The following KCNB2 variants were observed in gnomAD, a reference collection of about 807,000 sequenced individuals.
The protein encoded by KCNB2 is potassium voltage-gated channel subfamily B member 2.
Under a neutral mutation model 61.5 loss-of-function variants are expected in KCNB2, and 15 were observed. That is an observed-to-expected ratio of 0.24 (90% confidence interval 0.16 to 0.38). The LOEUF (loss-of-function observed/expected upper bound fraction) is 0.38. KCNB2 is among the 10% of genes least tolerant of loss of function. The pLI, the probability that KCNB2 is intolerant of heterozygous loss-of-function variation, is 1.00. For synonymous variants in KCNB2, 457 were observed against 446.0 expected (o/e 1.02, Z -0.31); for missense variants, 828 against 1,125.2 (o/e 0.74, Z 3.78).
At chr8:72,850,785 CTAAT>C (rs1331942775) in intron 2 of KCNB2, among the ~76,000 whole-genome samples, 1 of 152,156 alleles carries the variant, frequency 6.6e-6, no homozygotes, top group Non-Finnish European at 1.5e-5. Flanking sequence ...ATTGGATAGG[CTAAT>C]TATTCTAACC....
At chr8:72,751,904 AG>A (rs1808196344) in intron 2 of KCNB2, 1 of 152,370 alleles carries the variant, frequency 6.6e-6, no homozygotes, top group Admixed American at 6.5e-5. Flanking sequence ...GGAGGCCAGG[AG>A]GGAAGAAGGA....
chr8:72,611,641 G>A (rs1805542298), intron 2 of KCNB2, among the ~76,000 whole-genome samples: 1 of 152,160 alleles, frequency 6.6e-6, no homozygotes, highest in Non-Finnish European at 1.5e-5. Flanking sequence ...GCTGTTTACT[G>A]CATGGCACAC....
chr8:72,675,304 C>A (rs984861748), intron 2 of KCNB2, among the ~76,000 whole-genome samples: 5 of 152,028 alleles, frequency 3.3e-5, no homozygotes, highest in Admixed American at 3.3e-4. Context: ...TGTTTCAAAG[C>A]AATATTGAAG....
Position 72,554,337 on chromosome 8 carries a change from A to G in KCNB2, c.-93-13305A>G, listed in dbSNP as rs545692310. Among the ~76,000 whole-genome samples, 13 of 152,222 alleles carry G rather than the reference A, an allele frequency of 8.5e-5. No homozygotes were observed. The South Asian group carries it at 2.3e-3, about 27-fold the overall frequency. On this transcript the variant is annotated intron_variant, in intron 1 of 2. Coordinates refer to ENST00000523207, the MANE Select transcript of KCNB2 (RefSeq NM_004770.3). Reference sequence around the variant, plus strand: ...AGAGGAATAATGGATCTAAATCCGTATTTCTTATTTATATTTTATGGTCTT... The same window carrying G: ...AGAGGAATAATGGATCTAAATCCGTGTTTCTTATTTATATTTTATGGTCTT...
chr8:72,919,371 AT>A (rs1400052833), intron 2 of KCNB2, among the ~76,000 whole-genome samples: 1 of 152,210 alleles, frequency 6.6e-6, no homozygotes, highest in Non-Finnish European at 1.5e-5. Flanking sequence ...GAAGGAAGTG[AT>A]TCTCACTATG....
At chr8:72,608,801 G>A (rs1178796185) in intron 2 of KCNB2, among the ~76,000 whole-genome samples, 2 of 152,142 alleles carry the variant, frequency 1.3e-5, no homozygotes, top group African/African-American at 2.4e-5. Flanking sequence ...GAATTAACTC[G>A]AAACTAGTAG....
chr8:72,688,674 G>A (rs1000930698), intron 2 of KCNB2, among the ~76,000 whole-genome samples: 3 of 152,016 alleles, frequency 2.0e-5, no homozygotes, highest in African/African-American at 7.3e-5. Context: ...CTACTTTAGA[G>A]TGTAATTACC....
intron 2 of KCNB2, among the ~76,000 whole-genome samples, chr8:72,865,403 C>T (rs1464277777): frequency 2.6e-5 from 4 of 152,154 alleles, no homozygotes; most frequent in East Asian, 1.9e-4. Context: ...TGTTCTTTTC[C>T]GTTCTTTCTC....
chr8:72,925,420 A>T (rs917972699), intron 2 of KCNB2, among the ~76,000 whole-genome samples: 2 of 152,248 alleles, frequency 1.3e-5, no homozygotes, highest in Admixed American at 1.3e-4. Context: ...CAGAATGTAC[A>T]CTTAAGATAA....
intron 2 of KCNB2, among the ~76,000 whole-genome samples, chr8:72,899,013 T>A (rs1471004984): frequency 6.6e-6 from 1 of 152,138 alleles, no homozygotes; most frequent in Non-Finnish European, 1.5e-5. Flanking sequence ...GGTGTATATG[T>A]ACCACATTTT....
chr8:72,937,386 C>A lies in KCNB2; in HGVS notation c.2031C>A (p.Asn677Lys). 6.2e-7 allele frequency: 1 copy of A among 1,614,056 alleles called. No individual in the cohort carries two copies. The highest frequency in any genetic ancestry group is 2.2e-5 in the East Asian group (1 of 44,840). Reference sequence around the variant, plus strand: ...ATGCCCCAGTTGACATAACTGTGAACCTCGATGCCAGTGGCTCCCAGTGTG... The same window carrying A: ...ATGCCCCAGTTGACATAACTGTGAAACTCGATGCCAGTGGCTCCCAGTGTG... ...LEYAPVDITV[N>K]LDASGSQCGL... The change falls in exon 3 of 3, where the codon AAC becomes AAA. Residue 677 changes from asparagine (N) to lysine (K), a missense_variant. Transcript: ENST00000523207.
chr8:72,913,080 G>A (rs1334829942), intron 2 of KCNB2, among the ~76,000 whole-genome samples: 1 of 152,154 alleles, frequency 6.6e-6, no homozygotes, highest in African/African-American at 2.4e-5. Flanking sequence ...GTTCTGTGAA[G>A]CAAGGCCAAA....
intron 2 of KCNB2, among the ~76,000 whole-genome samples, chr8:72,871,050 G>GT (rs1180682526): frequency 6.6e-6 from 1 of 152,090 alleles, no homozygotes; most frequent in Non-Finnish European, 1.5e-5. Context: ...TTCTAGTTCT[G>GT]TTCCCCCCAC....
At chr8:72,685,032 G>T (rs1474171913) in intron 2 of KCNB2, among the ~76,000 whole-genome samples, 1 of 152,174 alleles carries the variant, frequency 6.6e-6, no homozygotes, top group African/African-American at 2.4e-5. Context: ...ACTAAGGCAA[G>T]GAAAAGGAAG....
chr8:72,800,722 G>A (rs1313247848), intron 2 of KCNB2, among the ~76,000 whole-genome samples: 2 of 152,114 alleles, frequency 1.3e-5, no homozygotes, highest in Admixed American at 1.3e-4. Context: ...ACCCTCAAGG[G>A]CAAGGAGGCA....
chr8:72,634,393 A>G (rs533580447), intron 2 of KCNB2, among the ~76,000 whole-genome samples: 2 of 152,284 alleles, frequency 1.3e-5, no homozygotes, highest in East Asian at 3.9e-4. Flanking sequence ...CGAGTCTGAG[A>G]TGAGGCCTGA....
chr8:72,869,883 C>G (rs1805589919), intron 2 of KCNB2, among the ~76,000 whole-genome samples: 1 of 152,162 alleles, frequency 6.6e-6, no homozygotes. Context: ...AAGGTGGTAT[C>G]TGCACCCCCC....
chr8:72,855,324 T>G (rs1810189419), intron 2 of KCNB2, among the ~76,000 whole-genome samples: 1 of 152,202 alleles, frequency 6.6e-6, no homozygotes, highest in Admixed American at 6.5e-5. Context: ...CTCACATTTT[T>G]TCCTGTATCA....
intron 2 of KCNB2, among the ~76,000 whole-genome samples, chr8:72,788,870 C>A (rs1412561932): frequency 6.6e-6 from 1 of 152,128 alleles, no homozygotes; most frequent in Non-Finnish European, 1.5e-5. Flanking sequence ...CTGCTTAATA[C>A]AATAACTAGT....
Sources: allele counts gnomAD v4.1 joint callset (sites outside exome capture counted in the v4.1 genomes callset), GRCh38; gene constraint gnomAD v4.1.1; transcripts MANE v1.5; gene names NCBI Gene and HGNC (gene_info 2026-07-23, HGNC 2026-07-21).